SNTG1: variants seen among roughly 807,000 people sequenced by gnomAD.
SNTG1 encodes the protein gamma-1-syntrophin.
In SNTG1, 39 loss-of-function variants were observed where a neutral mutation model predicts 74.7. That is an observed-to-expected ratio of 0.52 (90% CI 0.40 to 0.68). The LOEUF is 0.68. Among genes scored for constraint, SNTG1 ranks in the 30% least tolerant of loss-of-function variants. The pLI, the probability that SNTG1 is intolerant of heterozygous loss-of-function variation, is 0.00. For synonymous variants in SNTG1, 254 were observed against 217.1 expected, an observed-to-expected ratio of 1.17 and a Z score of -1.49; for missense variants, 685 against 609.5, an observed-to-expected ratio of 1.12 and a Z score of -1.30.
intron 2 of SNTG1, among the ~76,000 whole-genome samples, chr8:50,210,980 G>T (rs1586706105): frequency 1.3e-5 from 2 of 152,138 alleles, no homozygotes; most frequent in African/African-American, 2.4e-5. Flanking sequence ...CCCCTGCAAT[G>T]AGTGTAATTT....
chr8:50,358,002 T>TGGA (rs2091864738), intron 2 of SNTG1, among the ~76,000 whole-genome samples: 1 of 152,156 alleles, frequency 6.6e-6, no homozygotes, highest in Admixed American at 6.6e-5. Context: ...TCCTTCTTAT[T>TGGA]TTTTAAAAAT....
rs59952800 is a variant in SNTG1, at chr8:50,205,866, T to C, written c.-28+33231T>C. ...TTGTTTTTGTCAGGTTTGTCAAAGA[T>C]CAGAGAGTTGTAGATGTGTGGTATT... is the stretch of plus-strand genomic sequence containing the variant. On this transcript the variant is annotated intron_variant, in intron 2 of 18. Transcript: ENST00000642720. 1.2e-4 allele frequency among the ~76,000 whole-genome samples: 19 copies of C among 152,300 alleles called. No homozygotes were observed. In the East Asian group the frequency reaches 3.1e-3, roughly 25 times the overall value.
At chr8:50,742,732 C>T (rs2131668377) in intron 17 of SNTG1, among the ~76,000 whole-genome samples, 2 of 151,130 alleles carry the variant, frequency 1.3e-5, no homozygotes, top group East Asian at 3.9e-4. Flanking sequence ...GAAGAAAAAT[C>T]AACAAAATTA....
chr8:49,971,445 CA>C (rs56406896), intron 1 of SNTG1, among the ~76,000 whole-genome samples: 1 of 152,114 alleles, frequency 6.6e-6, no homozygotes, highest in African/African-American at 2.4e-5. Context: ...CACTCCCTTT[CA>C]AAACTGGCAC....
intron 8 of SNTG1, among the ~76,000 whole-genome samples, chr8:50,498,313 T>G (rs964811060): frequency 2.0e-5 from 3 of 151,910 alleles, no homozygotes; most frequent in Non-Finnish European, 4.4e-5. Flanking sequence ...AGAAGATTTA[T>G]AGTGGTATCT....
chr8:50,677,454 A>C (rs548855371), intron 15 of SNTG1, among the ~76,000 whole-genome samples: 1 of 152,072 alleles, frequency 6.6e-6, no homozygotes, highest in African/African-American at 2.4e-5. Context: ...TTTGTTGCAC[A>C]AATAATTTGG....
intron 4 of SNTG1, among the ~76,000 whole-genome samples, chr8:50,437,093 T>C (rs1484354288): frequency 6.6e-6 from 1 of 152,142 alleles, no homozygotes; most frequent in Admixed American, 6.6e-5. Context: ...TTAATGTTGG[T>C]TTGAAAGTAT....
At chr8:50,435,066 A>T (rs1259228181) in intron 4 of SNTG1, among the ~76,000 whole-genome samples, 1 of 152,060 alleles carries the variant, frequency 6.6e-6, no homozygotes, top group African/African-American at 2.4e-5. Flanking sequence ...TTATAATATA[A>T]TATTCCAAAA....
chr8:50,321,972 T>C (rs550461199), intron 2 of SNTG1, among the ~76,000 whole-genome samples: 1 of 152,276 alleles, frequency 6.6e-6, no homozygotes, highest in East Asian at 1.9e-4. Flanking sequence ...AGTTTATACA[T>C]CAAAATTACA....
chr8:50,310,150 G>A (rs1195416833), intron 2 of SNTG1, among the ~76,000 whole-genome samples: 1 of 152,082 alleles, frequency 6.6e-6, no homozygotes, highest in African/African-American at 2.4e-5. Flanking sequence ...GCCTGGGGAA[G>A]GAGTTTACCT....
intron 13 of SNTG1, among the ~76,000 whole-genome samples, chr8:50,651,706 C>T (rs1270145226): frequency 6.6e-6 from 1 of 152,106 alleles, no homozygotes; most frequent in Non-Finnish European, 1.5e-5. Flanking sequence ...ATCCACCCAC[C>T]TCGGCCTCCC....
At chr8:50,329,715 A>T (rs1031404261) in intron 2 of SNTG1, among the ~76,000 whole-genome samples, 30 of 152,188 alleles carry the variant, frequency 2.0e-4, no homozygotes, top group African/African-American at 7.0e-4. Flanking sequence ...ATCTCTGACA[A>T]GCCCTCGAGA....
At chr8:50,371,803 T>C (rs1015885876) in intron 2 of SNTG1, among the ~76,000 whole-genome samples, 5 of 152,186 alleles carry the variant, frequency 3.3e-5, no homozygotes, top group African/African-American at 1.2e-4. Context: ...CTACTTCGTG[T>C]CTTCTGACCA....
intron 12 of SNTG1, among the ~76,000 whole-genome samples, chr8:50,572,776 C>T (rs1172658430): frequency 1.3e-5 from 2 of 152,074 alleles, no homozygotes; most frequent in African/African-American, 4.8e-5. Context: ...CGTTATTTGT[C>T]AAGTGAATTT....
In SNTG1 at chr8:50,748,685, A is replaced by G. The variant is rs528253127; in HGVS notation, c.1285-3316A>G. ...TGTATCTCTGTGTCACATTTTGGTA[A>G]TGCTTAAAATGTTTCAAAGCTTTTT... On this transcript the variant is annotated intron_variant, in intron 17 of 18. Transcript: ENST00000642720. Among the ~76,000 whole-genome samples, 7 of 152,072 alleles carry G rather than the reference A, an allele frequency of 4.6e-5. No homozygotes were observed. The East Asian group carries it at 9.7e-4, about 21-fold the overall frequency.
At chr8:50,414,969 G>A (rs1587536274) in intron 4 of SNTG1, among the ~76,000 whole-genome samples, 1 of 152,160 alleles carries the variant, frequency 6.6e-6, no homozygotes, top group Non-Finnish European at 1.5e-5. Flanking sequence ...GACCACTAGA[G>A]GTGAACAATA....
intron 2 of SNTG1, among the ~76,000 whole-genome samples, chr8:50,262,408 T>A (rs1442679660): frequency 6.6e-6 from 1 of 152,044 alleles, no homozygotes; most frequent in South Asian, 2.1e-4. Flanking sequence ...ACATCTGTTT[T>A]TTTGTTTTTG....
At chr8:50,492,920 G>A (rs531469537) in intron 8 of SNTG1, among the ~76,000 whole-genome samples, 1 of 152,244 alleles carries the variant, frequency 6.6e-6, no homozygotes, top group Non-Finnish European at 1.5e-5. Flanking sequence ...TAAGGCATAA[G>A]GAAGGGATCC....
At chr8:50,221,257 A>C (rs1243436127) in intron 2 of SNTG1, among the ~76,000 whole-genome samples, 1 of 152,126 alleles carries the variant, frequency 6.6e-6, no homozygotes, top group Non-Finnish European at 1.5e-5. Flanking sequence ...AGAAATGTAT[A>C]GCCTTTAATG....
Sources: allele counts gnomAD v4.1 joint callset (sites outside exome capture counted in the v4.1 genomes callset), GRCh38; gene constraint gnomAD v4.1.1; transcripts MANE v1.5; gene names NCBI Gene and HGNC (gene_info 2026-07-23, HGNC 2026-07-21).